The following FRMD6 variants were observed in gnomAD, a reference collection of about 807,000 sequenced individuals.
The protein encoded by FRMD6 is FERM domain containing 6.
In FRMD6, 37 loss-of-function variants were observed where a neutral mutation model predicts 73.2. That is an observed-to-expected ratio of 0.51 (90% CI 0.39 to 0.66). The LOEUF is 0.66. Ranked by LOEUF, FRMD6 falls within the 30% of genes least tolerant of loss-of-function variation. The pLI, the probability that FRMD6 is intolerant of heterozygous loss-of-function variation, is 0.00. For missense variants in FRMD6, 714 were observed against 780.5 expected (o/e 0.91, Z 1.02); for synonymous variants, 273 against 282.2 (o/e 0.97, Z 0.33).
chr14:51,455,604 G>GGGT, the FRMD6 span, among the ~76,000 whole-genome samples: 1 of 152,122 alleles, frequency 6.6e-6, no homozygotes, highest in Non-Finnish European at 1.5e-5. Flanking sequence ...GTGTGATCTT[G>GGGT]GGTGAGTCGC....
chr14:51,471,417 C>T, the FRMD6 span, among the ~76,000 whole-genome samples: 2 of 151,072 alleles, frequency 1.3e-5, no homozygotes, highest in Non-Finnish European at 2.9e-5. Flanking sequence ...AGGAGAATGG[C>T]GTGAACCCAG....
At chr14:51,453,067 C>G in the FRMD6 span, among the ~76,000 whole-genome samples, 1 of 151,900 alleles carries the variant, frequency 6.6e-6, no homozygotes, top group Non-Finnish European at 1.5e-5. Flanking sequence ...AAGCAAGAAC[C>G]TGATGACCAT....
chr14:51,706,623 T>G (rs1896638059), intron 6 of FRMD6, among the ~76,000 whole-genome samples: 1 of 152,132 alleles, frequency 6.6e-6, no homozygotes, highest in African/African-American at 2.4e-5. Flanking sequence ...GTGAAGCCCC[T>G]CTCTGTTTCA....
intron 1 of FRMD6, among the ~76,000 whole-genome samples, chr14:51,512,714 AAGG>A (rs1884387704): frequency 6.6e-6 from 1 of 151,982 alleles, no homozygotes; most frequent in South Asian, 2.1e-4. Flanking sequence ...ATGTTAAGAG[AAGG>A]AGTAGTCTGT....
chr14:51,524,453 A>G (rs1268370334), intron 1 of FRMD6, among the ~76,000 whole-genome samples: 1 of 151,998 alleles, frequency 6.6e-6, no homozygotes, highest in African/African-American at 2.4e-5. Context: ...TCTGGGGGCA[A>G]GGAGAGGTCC....
the FRMD6 span, among the ~76,000 whole-genome samples, chr14:51,421,313 A>G: frequency 4.6e-5 from 7 of 152,332 alleles, no homozygotes; most frequent in South Asian, 1.5e-3. Context: ...CTGCCACTGG[A>G]TTGAAAGCAG....
chr14:51,541,986 T>C (rs1886223733), intron 1 of FRMD6, among the ~76,000 whole-genome samples: 1 of 152,048 alleles, frequency 6.6e-6, no homozygotes, highest in Admixed American at 6.6e-5. Context: ...CTAGAAACAG[T>C]ACACCAATGT....
At chr14:51,484,914 C>T (rs1049071007), upstream of FRMD6, among the ~76,000 whole-genome samples, 6 of 152,210 alleles carry the variant, frequency 3.9e-5, no homozygotes, top group South Asian at 8.3e-4. Context: ...AACACAGCTA[C>T]TCTCTGAGTG....
intron 1 of FRMD6, among the ~76,000 whole-genome samples, chr14:51,519,700 G>C (rs1029532810): frequency 6.6e-6 from 1 of 152,116 alleles, no homozygotes; most frequent in African/African-American, 2.4e-5. Flanking sequence ...AATAGTGTCT[G>C]TACTCATTGC....
Position 51,542,364 on chromosome 14 carries a change from A to G in FRMD6, c.-209-27984A>G, listed in dbSNP as rs576467492. Among the ~76,000 whole-genome samples, 7 of 152,188 alleles carry G rather than the reference A, an allele frequency of 4.6e-5. No homozygotes were observed. The South Asian group carries it at 1.0e-3, about 23-fold the overall frequency. ...GATTTGCTCATTCTGGATATTTTCT[A>G]TAAATAGAATCATATAATGTGTGGC... On this transcript the variant is annotated intron_variant, in intron 1 of 14. Coordinates refer to the FRMD6 transcript ENST00000356218.
At chr14:51,592,701 G>T (rs1001057197) in intron 2 of FRMD6, among the ~76,000 whole-genome samples, 1 of 152,086 alleles carries the variant, frequency 6.6e-6, no homozygotes, top group Non-Finnish European at 1.5e-5. Context: ...GGTTTCCATC[G>T]TAACTGTAAT....
At chr14:51,710,539 T>C (rs908447305) in intron 7 of FRMD6, among the ~76,000 whole-genome samples, 1 of 152,162 alleles carries the variant, frequency 6.6e-6, no homozygotes, top group Non-Finnish European at 1.5e-5. Flanking sequence ...CTATATGTGT[T>C]TTTCTTGATG....
intron 1 of FRMD6, among the ~76,000 whole-genome samples, chr14:51,553,193 G>A (rs1886937213): frequency 1.3e-5 from 2 of 152,196 alleles, no homozygotes; most frequent in Non-Finnish European, 2.9e-5. Context: ...TCTTAAAAAG[G>A]ACGCAAATGT....
intron 1 of FRMD6, among the ~76,000 whole-genome samples, chr14:51,681,619 C>T (rs572907454): frequency 6.6e-6 from 1 of 152,126 alleles, no homozygotes; most frequent in African/African-American, 2.4e-5. Context: ...CTGCCTACTG[C>T]CATACAGTAT....
intron 1 of FRMD6, among the ~76,000 whole-genome samples, chr14:51,528,836 G>A (rs1885412673): frequency 6.6e-6 from 1 of 152,136 alleles, no homozygotes; most frequent in Admixed American, 6.5e-5. Context: ...GTGCATCAAA[G>A]AGCTCCCAGG....
chr14:51,612,899 T>G (rs1271076708), intron 2 of FRMD6, among the ~76,000 whole-genome samples: 2 of 152,120 alleles, frequency 1.3e-5, no homozygotes, highest in Non-Finnish European at 2.9e-5. Flanking sequence ...AGATAAAAAG[T>G]GCTATAAGAG....
At position 51,651,921 on chromosome 14, in the gene FRMD6, C is replaced by T. The variant is rs1212918086; in HGVS notation, c.-222C>T. ...GGCCAAGGGGCTGAGAGGAGTGGGG[C>T]AGGCTCGGCGCCGGTAGGAAGAGTC... On this transcript the variant is annotated 5_prime_UTR_variant, in exon 1 of 14. Transcript: ENST00000344768. 2 of 152,288 alleles carry T rather than the reference C, an allele frequency of 1.3e-5. No homozygotes were observed. Among genetic ancestry groups the T allele is most frequent in the African/African-American group, 2.4e-5 (1 of 41,494 alleles). The allele number at this position is 152,288 out of a possible 1,614,324, so 9.4% of individuals were successfully genotyped here. A position where few individuals can be genotyped will look rare whatever the true frequency, so the allele number is the denominator to read the frequency against.
intron 2 of FRMD6, among the ~76,000 whole-genome samples, chr14:51,633,329 C>T (rs1404580949): frequency 6.7e-6 from 1 of 149,082 alleles, no homozygotes. Context: ...TGGCTGGGTG[C>T]GGTAGCTCAT....
chr14:51,519,370 G>A (rs1475372621), intron 1 of FRMD6, among the ~76,000 whole-genome samples: 5 of 151,952 alleles, frequency 3.3e-5, no homozygotes, highest in African/African-American at 7.3e-5. Context: ...GGCTGGTCTC[G>A]AACTTCTAAC....
Sources: gnomAD v4.1 joint callset for allele counts (sites outside exome capture counted in the v4.1 genomes callset) on GRCh38, gnomAD v4.1.1 for gene constraint, MANE v1.5 for transcripts, NCBI Gene and HGNC (gene_info 2026-07-23, HGNC 2026-07-21) for gene names.